Variants in NECTIN1 observed in about 807,000 individuals in gnomAD.
NECTIN1 encodes the protein nectin cell adhesion molecule 1.
In NECTIN1, 23 loss-of-function variants were observed where a neutral mutation model predicts 48.0. The ratio of observed to expected loss-of-function variants is 0.48; its 90% CI spans 0.34 to 0.68. The LOEUF (loss-of-function observed/expected upper bound fraction) is 0.68. Ranked by LOEUF, NECTIN1 falls within the 30% of genes least tolerant of loss-of-function variation. The pLI, the probability that NECTIN1 is intolerant of heterozygous loss-of-function variation, is 0.01. For missense variants in NECTIN1, 591 were observed against 709.9 expected, an observed-to-expected ratio of 0.83 and a Z score of 1.90; for synonymous variants, 270 against 288.9, an observed-to-expected ratio of 0.93 and a Z score of 0.66.
chr11:119,652,475 C>A (rs1864507777), intron 5 of NECTIN1, among the ~76,000 whole-genome samples: 2 of 152,100 alleles, frequency 1.3e-5, no homozygotes, highest in African/African-American at 4.8e-5. Flanking sequence ...ACACACTAAC[C>A]CTTCCTCTTG....
At chr11:119,638,427 C>A (rs1306812662) in intron 7 of NECTIN1, among the ~76,000 whole-genome samples, 1 of 152,196 alleles carries the variant, frequency 6.6e-6, no homozygotes, top group African/African-American at 2.4e-5. Flanking sequence ...GCTTTGCTGG[C>A]TCTAGCAGGG....
intron 4 of NECTIN1, 121 bp downstream of exon 4, chr11:119,676,981 T>C: frequency 1.2e-6 from 1 of 833,584 alleles, no homozygotes; most frequent in Non-Finnish European, 2.1e-6. Flanking sequence ...CGCTTCTTAC[T>C]GAGCCCAGAC....
At chr11:119,649,516 C>T (rs554918270) in intron 5 of NECTIN1, among the ~76,000 whole-genome samples, 3 of 151,982 alleles carry the variant, frequency 2.0e-5, no homozygotes, top group South Asian at 2.1e-4. Flanking sequence ...GGTGAAACCC[C>T]GTCTCTACTA....
At position 119,687,649 on chromosome 11, in the gene NECTIN1, G is replaced by A. The variant is rs537683255; in HGVS notation, c.80-8884C>T. Among the ~76,000 whole-genome samples the A allele has an allele frequency of 5.9e-5, 9 of 152,320 alleles. No individual in the cohort carries two copies. The South Asian group carries it at 1.9e-3, about 32-fold the overall frequency. On this transcript the variant is annotated intron_variant, in intron 1 of 5. Transcript: ENST00000264025. ...AGGCTAGTGTGGGGGTGGGAGAGGC[G>A]GGGGGCTGCCGAGAAAGCAGAGGGA...
At chr11:119,676,982 G>A in intron 4 of NECTIN1, 120 bp downstream of exon 4, 1 of 837,140 alleles carries the variant, frequency 1.2e-6, no homozygotes. Context: ...GCTTCTTACT[G>A]AGCCCAGACC....
chr11:119,675,514 T>C, intron 4 of NECTIN1: 1 of 580,648 alleles, frequency 1.7e-6, no homozygotes, highest in Non-Finnish European at 3.0e-6. Flanking sequence ...TTGATCATAA[T>C]ATGGGAATAT....
intron 1 of NECTIN1, among the ~76,000 whole-genome samples, chr11:119,698,244 G>C (rs1865375591): frequency 6.6e-6 from 1 of 152,240 alleles, no homozygotes; most frequent in African/African-American, 2.4e-5. Flanking sequence ...CCAGAGTTGG[G>C]GGCCTGAGCC....
intron 1 of NECTIN1, among the ~76,000 whole-genome samples, chr11:119,718,703 G>C (rs1306405467): frequency 6.6e-6 from 1 of 152,128 alleles, no homozygotes; most frequent in Non-Finnish European, 1.5e-5. Flanking sequence ...GGCCCAAATG[G>C]TATCAGTGAT....
chr11:119,668,434 C>T (rs1864811835), intron 5 of NECTIN1, among the ~76,000 whole-genome samples: 1 of 152,210 alleles, frequency 6.6e-6, no homozygotes, highest in South Asian at 2.1e-4. Context: ...GCAGTCTGGC[C>T]TTCAAAGCTT....
At chr11:119,725,219 C>T (rs1865891287) in intron 1 of NECTIN1, among the ~76,000 whole-genome samples, 1 of 152,188 alleles carries the variant, frequency 6.6e-6, no homozygotes, top group Non-Finnish European at 1.5e-5. Flanking sequence ...GCCGGCTCAA[C>T]CATCCTGAAA....
intron 5 of NECTIN1, chr11:119,640,641 T>C (rs1337498159): frequency 6.5e-6 from 1 of 154,002 alleles, no homozygotes; most frequent in African/African-American, 2.4e-5. Context: ...GCTGGGCTTG[T>C]CGAGGTATTT....
intron 5 of NECTIN1, among the ~76,000 whole-genome samples, chr11:119,652,238 T>C (rs1437780215): frequency 6.6e-6 from 1 of 152,178 alleles, no homozygotes; most frequent in Non-Finnish European, 1.5e-5. Context: ...CCACCCGGTG[T>C]GGTCACCATG....
chr11:119,717,970 G>A (rs905925432), intron 1 of NECTIN1, among the ~76,000 whole-genome samples: 4 of 152,256 alleles, frequency 2.6e-5, no homozygotes, highest in Non-Finnish European at 5.9e-5. Flanking sequence ...GAGGCCGCGC[G>A]GTAATTCAAG....
chr11:119,639,574 C>G, intron 6 of NECTIN1: 1 of 501,200 alleles, frequency 2.0e-6, no homozygotes, highest in Non-Finnish European at 3.6e-6. Context: ...CCTCAGTTTC[C>G]TCACTATAAA....
intron 6 of NECTIN1, chr11:119,639,432 C>A: frequency 4.4e-6 from 1 of 225,236 alleles, no homozygotes; most frequent in Non-Finnish European, 8.8e-6. Context: ...ATGATTTATC[C>A]TGATGGTTGA....
chr11:119,643,802 C>T (rs546269781), intron 5 of NECTIN1, among the ~76,000 whole-genome samples: 4 of 152,306 alleles, frequency 2.6e-5, no homozygotes, highest in East Asian at 1.9e-4. Context: ...GGCTGTGAGC[C>T]GGGAGAGCTG....
At chr11:119,722,211 A>T (rs1865842911) in intron 1 of NECTIN1, among the ~76,000 whole-genome samples, 2 of 152,196 alleles carry the variant, frequency 1.3e-5, no homozygotes, top group Non-Finnish European at 2.9e-5. Context: ...CTAATACAAC[A>T]CTAATGCCAT....
At chr11:119,649,304 C>T (rs1404307006) in intron 5 of NECTIN1, among the ~76,000 whole-genome samples, 2 of 151,764 alleles carry the variant, frequency 1.3e-5, no homozygotes, top group Non-Finnish European at 2.9e-5. Context: ...TCACTTGAAC[C>T]CAGGAGGCAG....
At chr11:119,676,151 T>C (rs1426052502) in intron 4 of NECTIN1, among the ~76,000 whole-genome samples, 1 of 152,240 alleles carries the variant, frequency 6.6e-6, no homozygotes, top group African/African-American at 2.4e-5. Flanking sequence ...ATTCCACTAC[T>C]TTGTGTTTTT....
Sources: gnomAD v4.1 joint callset for allele counts (sites outside exome capture counted in the v4.1 genomes callset) on GRCh38, gnomAD v4.1.1 for gene constraint, MANE v1.5 for transcripts, NCBI Gene and HGNC (gene_info 2026-07-23, HGNC 2026-07-21) for gene names.